MATN2: variants seen among roughly 807,000 people sequenced by gnomAD.
MATN2 encodes matrilin 2.
A neutral mutation model predicts 103.2 loss-of-function variants in MATN2; 69 were observed. The ratio of observed to expected loss-of-function variants is 0.67; its 90% confidence interval spans 0.55 to 0.82. The LOEUF (loss-of-function observed/expected upper bound fraction) is 0.82, where lower values mean the gene tolerates loss of function less well. Among genes scored for constraint, MATN2 ranks in the 40% least tolerant of loss-of-function variants. The probability of loss-of-function intolerance (pLI) is 0.00; values close to 1 mark genes in which losing one functional copy is unlikely to be tolerated. For synonymous variants in MATN2, 429 were observed against 450.2 expected (o/e 0.95, Z 0.60); for missense variants, 1,023 against 1,211.5 (o/e 0.84, Z 2.31).
intron 12 of MATN2, 120 bp downstream of exon 12, chr8:98,018,236 T>C (rs1813442402): frequency 7.5e-7 from 1 of 1,329,784 alleles, no homozygotes; most frequent in Non-Finnish European, 1.0e-6. Context: ...GTTCCTGCCT[T>C]GGGTGCTCTG....
At position 97,930,986 on chromosome 8, in the gene MATN2, T is replaced by A; in HGVS notation, c.176T>A (p.Val59Asp). 6.2e-7 allele frequency: 1 copy of A among 1,612,882 alleles called. No individual in the cohort carries two copies. The highest frequency in any genetic ancestry group is 8.5e-7 in the Non-Finnish European group (1 of 1,179,186). ...TGTGAGAACAAGCGGGCAGACCTGG[T>A]TTTCATCATTGACAGCTCTCGCAGT... ...SSCENKRADL[V>D]FIIDSSRSVN... The change falls in exon 3 of 19, where the codon GTT becomes GAT. Residue 59 changes from valine (V) to aspartate (D), a missense_variant. Coordinates refer to ENST00000254898, the MANE Select transcript of MATN2 (RefSeq NM_002380.5).
intron 5 of MATN2, among the ~76,000 whole-genome samples, chr8:97,969,313 G>A (rs1222205541): frequency 2.0e-5 from 3 of 152,182 alleles, no homozygotes; most frequent in Non-Finnish European, 2.9e-5. Context: ...CATCCAGACC[G>A]TATCACTAAG....
At position 97,888,216 on chromosome 8, in the gene MATN2, G is replaced by C; in HGVS notation, c.116G>C (p.Arg39Pro). Reference protein sequence around the residue: ...GRSISRGRHARTHPQTALLES... With the variant: ...GRSISRGRHAPTHPQTALLES... ...TCCATCTCTAGGGGCAGACACGCTC[G>C]GACCCACCCGCAGACGGCCCTTCTG... is the stretch of plus-strand genomic sequence containing the variant. Residue 39 changes from arginine to proline, a missense_variant, in exon 2 of 19, where the codon CGG (arginine) becomes CCG (proline). Arg to Pro is a moderately radical substitution (Grantham distance 103, BLOSUM62 -2). Transcript: ENST00000254898. The C allele has an allele frequency of 6.3e-7, 1 of 1,580,090 alleles. No homozygotes were observed. The highest frequency in any genetic ancestry group is 1.2e-5 in the South Asian group (1 of 86,742).
At chr8:97,928,878 A>C (rs1467903338) in intron 2 of MATN2, among the ~76,000 whole-genome samples, 1 of 152,184 alleles carries the variant, frequency 6.6e-6, no homozygotes. Flanking sequence ...TCAAACTCTC[A>C]GTGCTCCCAT....
At chr8:97,994,449 T>G (rs1812499726) in intron 6 of MATN2, 31 bp from the exon 7 acceptor site, 2 of 1,589,892 alleles carry the variant, frequency 1.3e-6, no homozygotes, top group Admixed American at 1.9e-5. Context: ...TTGATTGGTT[T>G]GCCATTCTTG....
At chr8:97,916,535 C>T (rs989094455) in intron 2 of MATN2, among the ~76,000 whole-genome samples, 2 of 152,144 alleles carry the variant, frequency 1.3e-5, no homozygotes, top group Admixed American at 1.3e-4. Context: ...CCTCTCCCTC[C>T]TCCCACCCTC....
At chr8:97,986,982 G>A (rs1342673437) in intron 6 of MATN2, among the ~76,000 whole-genome samples, 9 of 150,864 alleles carry the variant, frequency 6.0e-5, no homozygotes, top group East Asian at 1.9e-4. Context: ...ACAGGTGCCC[G>A]CCACCACGCC....
At chr8:98,000,596 C>CAAAAAAAAA (rs67682756) in intron 7 of MATN2, among the ~76,000 whole-genome samples, 14 of 49,668 alleles carry the variant, frequency 2.8e-4, no homozygotes, top group South Asian at 1.0e-3. Context: ...GACTCCGTCT[C>CAAAAAAAAA]AAAAAAAAAA....
At chr8:97,889,459 C>CTACATATATATATATA in intron 2 of MATN2, among the ~76,000 whole-genome samples, 1 of 123,418 alleles carries the variant, frequency 8.1e-6, no homozygotes, top group East Asian at 2.9e-4. Flanking sequence ...CTCTCTCTGT[C>CTACATATATATATATA]TATATATATA....
Position 97,990,799 on chromosome 8 carries a change from G to A in MATN2, c.1082-3681G>A, listed in dbSNP as rs78916907. On this transcript the variant is annotated intron_variant, in intron 6 of 18. Transcript: ENST00000254898. ...AAAGAAGATAAAAAATAAAATTCTA[G>A]AAAATGCAAACTGATTTATCTGGAT... 8.5e-4 allele frequency among the ~76,000 whole-genome samples: 130 copies of A among 152,266 alleles called. 3 individuals carry two copies. In the East Asian group the frequency reaches 0.023, roughly 27 times the overall value.
At chr8:97,963,222 T>TC (rs779668840) in intron 5 of MATN2, among the ~76,000 whole-genome samples, 4 of 152,212 alleles carry the variant, frequency 2.6e-5, no homozygotes, top group African/African-American at 9.6e-5. Context: ...ACCTGCTTTT[T>TC]CCCCTCTACT....
intron 2 of MATN2, among the ~76,000 whole-genome samples, chr8:97,893,927 A>C (rs1818719153): frequency 6.6e-6 from 1 of 152,186 alleles, no homozygotes; most frequent in African/African-American, 2.4e-5. Flanking sequence ...CTGTCTTATG[A>C]GGTCTTGTTG....
At chr8:97,885,163 G>A (rs1196412550) in intron 1 of MATN2, among the ~76,000 whole-genome samples, 1 of 152,178 alleles carries the variant, frequency 6.6e-6, no homozygotes, top group Non-Finnish European at 1.5e-5. Flanking sequence ...TCCAAGTGTT[G>A]AGTGCATATG....
chr8:97,956,640 A>G (rs879582904), intron 4 of MATN2, among the ~76,000 whole-genome samples: 1 of 152,096 alleles, frequency 6.6e-6, no homozygotes, highest in East Asian at 1.9e-4. Flanking sequence ...GGTGTGTCTT[A>G]TGGAAAGCTG....
intron 5 of MATN2, among the ~76,000 whole-genome samples, chr8:97,970,259 T>G (rs1169429864): frequency 6.6e-6 from 1 of 152,140 alleles, no homozygotes; most frequent in African/African-American, 2.4e-5. Context: ...TAAGGGATGG[T>G]AACTCCCAGG....
intron 1 of MATN2, among the ~76,000 whole-genome samples, chr8:97,882,122 C>T (rs1818276693): frequency 2.0e-5 from 3 of 151,416 alleles, no homozygotes; most frequent in African/African-American, 7.3e-5. Context: ...CGGGGTTTCA[C>T]AATGTTGGCC....
intron 18 of MATN2, 41 bp downstream of exon 18, chr8:98,033,700 G>C: frequency 3.8e-6 from 5 of 1,300,508 alleles, no homozygotes; most frequent in Non-Finnish European, 5.5e-6. Flanking sequence ...GGAATGCAAA[G>C]AATATTATCA....
intron 2 of MATN2, among the ~76,000 whole-genome samples, chr8:97,927,121 G>A (rs1810011715): frequency 8.3e-6 from 1 of 119,996 alleles, no homozygotes; most frequent in Non-Finnish European, 1.8e-5. Context: ...GTTTTGTTCT[G>A]TTTTGTTTTG....
Position 97,931,043 on chromosome 8 carries a change from A to G in MATN2, c.233A>G (p.Glu78Gly), listed in dbSNP as rs761724368. ...VNTHDYAKVKEFIVDILQFLD... is the reference protein window; with the variant it reads ...VNTHDYAKVKGFIVDILQFLD... ...ACCCATGACTATGCAAAGGTCAAGG[A>G]GTTCATCGTGGACATCTTGCAATTC... The change falls in exon 3 of 19, where the codon GAG becomes GGG. Residue 78 changes from glutamate (E) to glycine (G), a missense_variant. Glu to Gly is a moderately conservative substitution (Grantham distance 98). Transcript: ENST00000254898. The surrounding 1 kb of genome is among the most constrained non-coding windows in gnomAD (Gnocchi z 4.1). The G allele has an allele frequency of 1.9e-6, 3 of 1,614,024 alleles. No individual in the cohort carries two copies. Among genetic ancestry groups the G allele is most frequent in the Non-Finnish European group, 2.5e-6 (3 of 1,179,874 alleles).
Sources: allele counts gnomAD v4.1 joint callset (sites outside exome capture counted in the v4.1 genomes callset), GRCh38; gene constraint gnomAD v4.1.1; non-coding constraint Gnocchi (gnomAD v3.1); transcripts MANE v1.5; gene names NCBI Gene and HGNC (gene_info 2026-07-23, HGNC 2026-07-21).